Variants in MYPN observed in about 807,000 individuals in gnomAD.
The protein encoded by MYPN is sarcomeric protein myopalladin, 145 kDa (MYOP).
In MYPN, 63 loss-of-function variants were observed where a neutral mutation model predicts 129.4. That is an observed-to-expected ratio of 0.49 (90% CI 0.40 to 0.60). The LOEUF (loss-of-function observed/expected upper bound fraction) is 0.60. Ranked by LOEUF, MYPN falls within the 20% of genes least tolerant of loss-of-function variation. The pLI is 0.00. For missense variants in MYPN, 1,596 were observed against 1,635.4 expected, an observed-to-expected ratio of 0.98 and a Z score of 0.42; for synonymous variants, 629 against 600.9, an observed-to-expected ratio of 1.05 and a Z score of -0.68.
At chr10:68,138,600 T>C (rs866689310) in intron 2 of MYPN, among the ~76,000 whole-genome samples, 1 of 152,196 alleles carries the variant, frequency 6.6e-6, no homozygotes, top group Non-Finnish European at 1.5e-5. Flanking sequence ...CTTTGTATTA[T>C]ATAAAAATAG....
chr10:68,109,804 A>C (rs951996676), intron 1 of MYPN, 81 bp downstream of exon 1: 1 of 389,076 alleles, frequency 2.6e-6, no homozygotes, highest in African/African-American at 2.1e-5. Flanking sequence ...CAAAGAACTC[A>C]TTACTGTTAC....
At chr10:68,125,820 G>C (rs1306575428) in intron 2 of MYPN, among the ~76,000 whole-genome samples, 1 of 152,168 alleles carries the variant, frequency 6.6e-6, no homozygotes, top group African/African-American at 2.4e-5. Flanking sequence ...TTCACTGGGA[G>C]TACAAAACAA....
intron 2 of MYPN, among the ~76,000 whole-genome samples, chr10:68,135,077 G>C (rs1263959645): frequency 6.6e-6 from 1 of 151,668 alleles, no homozygotes; most frequent in Non-Finnish European, 1.5e-5. Flanking sequence ...TCAGCCTCCC[G>C]AGTAGCTGGG....
chr10:68,105,247 C>G (rs2042003225), upstream of MYPN, among the ~76,000 whole-genome samples: 5 of 152,162 alleles, frequency 3.3e-5, no homozygotes, highest in Admixed American at 3.3e-4. Flanking sequence ...CTTTCTAAGC[C>G]TCAAGTTTTC....
chr10:68,123,663 G>A (rs2042283864), intron 2 of MYPN, among the ~76,000 whole-genome samples: 1 of 150,230 alleles, frequency 6.7e-6, no homozygotes, highest in Non-Finnish European at 1.5e-5. Context: ...TCCAGCCTGG[G>A]CGACAGAGCG....
At chr10:68,156,285 A>G (rs537046863) in intron 6 of MYPN, among the ~76,000 whole-genome samples, 1 of 152,288 alleles carries the variant, frequency 6.6e-6, no homozygotes, top group East Asian at 1.9e-4. Context: ...AAAGTTTTCA[A>G]TGGTCCCCAA....
upstream of MYPN, among the ~76,000 whole-genome samples, chr10:68,107,514 T>C (rs908793420): frequency 6.6e-6 from 1 of 151,566 alleles, no homozygotes; most frequent in African/African-American, 2.4e-5. Context: ...CTAATTTTTT[T>C]TTTTTTTTGT....
At chr10:68,172,851 T>A (rs2043163771) in intron 10 of MYPN, among the ~76,000 whole-genome samples, 1 of 152,116 alleles carries the variant, frequency 6.6e-6, no homozygotes. Flanking sequence ...GACGGGCAGA[T>A]CATTTGAGGT....
chr10:68,206,976 G>T, intron 19 of MYPN, 73 bp downstream of exon 19: 1 of 1,563,720 alleles, frequency 6.4e-7, no homozygotes, highest in South Asian at 1.1e-5. Context: ...AAGATAAATG[G>T]GTCAGGCAAG....
intron 1 of MYPN, among the ~76,000 whole-genome samples, chr10:68,115,760 A>G (rs2042147994): frequency 6.6e-6 from 1 of 152,186 alleles, no homozygotes; most frequent in African/African-American, 2.4e-5. Flanking sequence ...ACCTTAAATG[A>G]TCTGGCCTTG....
chr10:68,160,016 C>T (rs1377826237), intron 7 of MYPN, among the ~76,000 whole-genome samples: 1 of 152,008 alleles, frequency 6.6e-6, no homozygotes, highest in Non-Finnish European at 1.5e-5. Context: ...CTGCCTATCA[C>T]AAAATAGCAG....
At position 68,122,156 on chromosome 10, in the gene MYPN, C is replaced by G. The variant is rs1438075413; in HGVS notation, c.718C>G (p.Gln240Glu). 1 of 1,612,038 alleles carries G rather than the reference C, an allele frequency of 6.2e-7. No individual in the cohort carries two copies. The highest frequency in any genetic ancestry group is 2.2e-5 in the East Asian group (1 of 44,860). Reference protein sequence around the residue: ...QQEAKRREAEQAASEAAGGDT... With the variant: ...QQEAKRREAEEAASEAAGGDT... ...GGAAGCCAAGAGGCGTGAAGCGGAG[C>G]AGGCTGCCAGTGAGGCGGCTGGTGG... Residue 240 changes from glutamine (Q) to glutamate (E), a missense_variant, in exon 2 of 20, where the codon CAG becomes GAG. Gln to Glu is a conservative substitution (Grantham distance 29). Transcript: ENST00000358913.
rs560995550 is a variant in MYPN, at chr10:68,182,408, T to C, written c.2704-6497T>C. On this transcript the variant is annotated intron_variant, in intron 12 of 19. Transcript: ENST00000358913. ...ACATATATAACATATATATAACACA[T>C]ATATATAACATATATATAACACATA... Among the ~76,000 whole-genome samples, 787 of 86,660 alleles carry C rather than the reference T, an allele frequency of 9.1e-3. 16 individuals are homozygous for C. Among genetic ancestry groups the C allele is most frequent in the African/African-American group, 0.018 (544 of 29,620 alleles). 56.9% of individuals were successfully genotyped at this position (86,660 alleles called of 152,430 possible).
At position 68,199,488 on chromosome 10, in the gene MYPN, C is replaced by T; in HGVS notation, c.3406C>T (p.Leu1136Phe). ...AGTCCACTCTCTGCTCATTGACCCA[C>T]TCACTCAGCGCGACGCAGGGACCTA... ...TGVHSLLIDPLTQRDAGTYKC... is the reference protein window; with the variant it reads ...TGVHSLLIDPFTQRDAGTYKC... The change falls in exon 17 of 20, where the codon CTC becomes TTC. Residue 1136 changes from leucine to phenylalanine, a missense_variant. Coordinates refer to ENST00000358913, the MANE Select transcript of MYPN (RefSeq NM_032578.4). 6.2e-7 allele frequency: 1 copy of T among 1,614,124 alleles called. No homozygotes were observed. Among genetic ancestry groups the T allele is most frequent in the Non-Finnish European group, 8.5e-7 (1 of 1,179,972 alleles).
intron 1 of MYPN, among the ~76,000 whole-genome samples, chr10:68,111,302 A>G (rs535377431): frequency 4.1e-4 from 62 of 152,344 alleles, no homozygotes; most frequent in African/African-American, 1.4e-3. Context: ...CAATTTTTCA[A>G]CAGTTAGTTC....
intron 8 of MYPN, 67 bp from the exon 9 acceptor site, chr10:68,165,635 A>G (rs907398465): frequency 2.7e-6 from 3 of 1,128,242 alleles, no homozygotes; most frequent in Admixed American, 1.7e-5. Flanking sequence ...ATCATCTGAT[A>G]CCAGTAAATT....
chr10:68,157,476 C>T (rs1275938946), intron 6 of MYPN, among the ~76,000 whole-genome samples: 1 of 151,912 alleles, frequency 6.6e-6, no homozygotes, highest in Admixed American at 6.6e-5. Context: ...CTAGTAGATA[C>T]TCACTGCAAA....
At chr10:68,088,719 A>G (rs2041917819) in intron 1 of MYPN, among the ~76,000 whole-genome samples, 1 of 152,252 alleles carries the variant, frequency 6.6e-6, no homozygotes, top group Non-Finnish European at 1.5e-5. Context: ...GCAAGTGGAT[A>G]GCAGAAATTC....
At position 68,097,092 on chromosome 10, in the gene MYPN, G is replaced by C. The variant is rs1413816522; in HGVS notation, c.-2+9100G>C. ...TTAGCTCCTTGGCAGTAGGTGAGTA[G>C]AGAACATAGAATTCAGAAGCATATG... On this transcript the variant is annotated intron_variant, in intron 1 of 6. Transcript: ENST00000685154. Among the ~76,000 whole-genome samples, 15 of 152,176 alleles carry C rather than the reference G, an allele frequency of 9.9e-5. 1 individual carries two copies. Among genetic ancestry groups the C allele is most frequent in the Admixed American group, 9.8e-4 (15 of 15,278 alleles).
Sources: allele counts gnomAD v4.1 joint callset (sites outside exome capture counted in the v4.1 genomes callset), GRCh38; gene constraint gnomAD v4.1.1; transcripts MANE v1.5; gene names NCBI Gene and HGNC (gene_info 2026-07-23, HGNC 2026-07-21).